The following LRRFIP2 variants were observed in gnomAD, a reference collection of about 807,000 sequenced individuals.
LRRFIP2 encodes leucine-rich repeat flightless-interacting protein 2.
LRRFIP2 carries 109 observed loss-of-function variants against 125.9 expected under a neutral mutation model. The ratio of observed to expected loss-of-function variants is 0.87; its 90% CI spans 0.74 to 1.01. The LOEUF (loss-of-function observed/expected upper bound fraction) is 1.01. Ranked by LOEUF, LRRFIP2 falls within the 50% of genes least tolerant of loss-of-function variation. The pLI is 0.00. For synonymous variants in LRRFIP2, 291 were observed against 293.1 expected (o/e 0.99, Z 0.07); for missense variants, 850 against 862.3 (o/e 0.99, Z 0.18).
intron 27 of LRRFIP2, 76 bp downstream of exon 27, chr3:37,054,333 TAC>T: frequency 8.1e-7 from 1 of 1,230,810 alleles, no homozygotes; most frequent in Non-Finnish European, 1.2e-6. Flanking sequence ...TCAAATTTCT[TAC>T]ACAGCTAAGA....
At chr3:37,165,070 C>T (rs2096444095) in intron 1 of LRRFIP2, among the ~76,000 whole-genome samples, 1 of 151,810 alleles carries the variant, frequency 6.6e-6, no homozygotes, top group African/African-American at 2.4e-5. Context: ...CCCATCTCTA[C>T]TAAAAATACA....
At chr3:37,072,748 T>A in intron 21 of LRRFIP2, 42 bp downstream of exon 21, 1 of 1,183,740 alleles carries the variant, frequency 8.4e-7, no homozygotes, top group Non-Finnish European at 1.3e-6. Context: ...ACTGTAGTCC[T>A]CATCAATGAG....
intron 1 of LRRFIP2, among the ~76,000 whole-genome samples, chr3:37,156,078 T>A (rs2096181320): frequency 6.6e-6 from 1 of 152,132 alleles, no homozygotes; most frequent in African/African-American, 2.4e-5. Context: ...CTACACCATG[T>A]TAGCCAGGCT....
chr3:37,094,742 A>G (rs1260202290), intron 17 of LRRFIP2, 50 bp downstream of exon 17: 1 of 1,157,642 alleles, frequency 8.6e-7, no homozygotes, highest in Admixed American at 1.7e-5. Flanking sequence ...CCAGTATATT[A>G]CCAAGTCAAA....
At chr3:37,169,472 G>C (rs982434590) in intron 1 of LRRFIP2, among the ~76,000 whole-genome samples, 1 of 151,932 alleles carries the variant, frequency 6.6e-6, no homozygotes, top group Non-Finnish European at 1.5e-5. Context: ...ATAATCCTTA[G>C]GTCACTTAAC....
intron 23 of LRRFIP2, chr3:37,065,534 T>A: frequency 3.5e-6 from 2 of 575,058 alleles, no homozygotes; most frequent in Non-Finnish European, 6.6e-6. Flanking sequence ...TGCAGAACAG[T>A]TTGTAGTTAA....
At chr3:37,089,513 TTTTC>T (rs752608323) in intron 18 of LRRFIP2, among the ~76,000 whole-genome samples, 54 of 152,230 alleles carry the variant, frequency 3.5e-4, no homozygotes, top group Non-Finnish European at 6.3e-4. Context: ...TCAGACAATC[TTTTC>T]TTTATTTTTA....
rs575355377 is a variant in LRRFIP2, at chr3:37,145,005, A to C, written c.90+3889T>G. Among the ~76,000 whole-genome samples the C allele has an allele frequency of 4.6e-5, 7 of 152,338 alleles. No homozygotes were observed. The South Asian group carries it at 1.0e-3, about 23-fold the overall frequency. On this transcript the variant is annotated intron_variant, in intron 2 of 27. Coordinates refer to ENST00000336686, the MANE Select transcript of LRRFIP2 (RefSeq NM_006309.4). ...TGACACTCATGCCAAAAAAACACTGAAAGACAAATTAAGAGACATAATATT... is the reference window on the plus strand; with the variant it reads ...TGACACTCATGCCAAAAAAACACTGCAAGACAAATTAAGAGACATAATATT...
At chr3:37,055,201 G>C in intron 25 of LRRFIP2, 36 bp from the exon 26 acceptor site, 1 of 1,303,844 alleles carries the variant, frequency 7.7e-7, no homozygotes, top group Non-Finnish European at 1.1e-6. Context: ...ATCTTCACCT[G>C]TCAGAGATGA....
In LRRFIP2 at chr3:37,102,022, C is replaced by T. The variant is rs149021273; in HGVS notation, c.873+902G>A. ...ATATTCAGATTGTTCCTGGTTAGTA[C>T]AAATTAGTGACACTTTACTAAGTGC... is the stretch of plus-strand genomic sequence containing the variant. On this transcript the variant is annotated intron_variant, in intron 15 of 27. Coordinates refer to ENST00000336686, the MANE Select transcript of LRRFIP2 (RefSeq NM_006309.4). Among the ~76,000 whole-genome samples the T allele has an allele frequency of 4.0e-3, 607 of 152,308 alleles. 5 individuals carry two copies. Among genetic ancestry groups the T allele is most frequent in the African/African-American group, 0.014 (577 of 41,554 alleles).
rs558138794 is a variant in LRRFIP2, at chr3:37,168,463, C to A, written c.-56+6076G>T. On this transcript the variant is annotated intron_variant, in intron 1 of 27. Coordinates refer to ENST00000336686, the MANE Select transcript of LRRFIP2 (RefSeq NM_006309.4). ...ACATAATTCCATTTATACGAGGTAC[C>A]TGGAGTACACAAATTCATAGAGTCA... Among the ~76,000 whole-genome samples, 34 of 152,212 alleles carry A rather than the reference C, an allele frequency of 2.2e-4. 1 individual carries two copies. The South Asian group carries it at 5.6e-3, about 25-fold the overall frequency.
intron 1 of LRRFIP2, among the ~76,000 whole-genome samples, chr3:37,165,795 G>GAGAAAGAAAGAAAGAAAGAA (rs780657651): frequency 1.1e-4 from 2 of 17,998 alleles, no homozygotes; most frequent in African/African-American, 1.8e-4. Context: ...GAGAAAGAAA[G>GAGAAAGAAAGAAAGAAAGAA]AGAAAGAAAG....
chr3:37,166,633 G>C (rs1490979545), intron 1 of LRRFIP2, among the ~76,000 whole-genome samples: 1 of 151,756 alleles, frequency 6.6e-6, no homozygotes, highest in Non-Finnish European at 1.5e-5. Flanking sequence ...TGAGGCAGGA[G>C]TATTGCTCGA....
chr3:37,094,942 T>C (rs369671885), intron 16 of LRRFIP2, 34 bp from the exon 17 acceptor site: 3 of 1,324,480 alleles, frequency 2.3e-6, no homozygotes, highest in Non-Finnish European at 2.2e-6. Flanking sequence ...CTAAGTCTCA[T>C]TTCTTTAAAA....
At chr3:37,100,078 A>G (rs2093938055) in intron 15 of LRRFIP2, among the ~76,000 whole-genome samples, 1 of 152,170 alleles carries the variant, frequency 6.6e-6, no homozygotes. Flanking sequence ...CCTTAAAAAG[A>G]AATACTACTA....
At chr3:37,061,252 G>T (rs1481939447) in intron 24 of LRRFIP2, among the ~76,000 whole-genome samples, 3 of 152,172 alleles carry the variant, frequency 2.0e-5, no homozygotes, top group African/African-American at 4.8e-5. Context: ...GACGAGGTGG[G>T]TGGATCACCT....
At chr3:37,086,974 A>G (rs1184219407) in intron 18 of LRRFIP2, among the ~76,000 whole-genome samples, 1 of 151,406 alleles carries the variant, frequency 6.6e-6, no homozygotes, top group Non-Finnish European at 1.5e-5. Flanking sequence ...TGATCCTCCC[A>G]TGTCAGCCTC....
intron 1 of LRRFIP2, among the ~76,000 whole-genome samples, chr3:37,152,941 T>A (rs2096073091): frequency 6.6e-6 from 1 of 152,222 alleles, no homozygotes; most frequent in African/African-American, 2.4e-5. Context: ...AACAAAAATG[T>A]AAGCATTTTC....
intron 8 of LRRFIP2, chr3:37,111,940 C>T (rs2047632): frequency 6.6e-6 from 1 of 152,388 alleles, no homozygotes. Context: ...ACCCTCTCCC[C>T]GTTCAACCCA....
Sources: gnomAD v4.1 joint callset for allele counts (sites outside exome capture counted in the v4.1 genomes callset) on GRCh38, gnomAD v4.1.1 for gene constraint, MANE v1.5 for transcripts, NCBI Gene and HGNC (gene_info 2026-07-23, HGNC 2026-07-21) for gene names.